The following KCNIP4 variants were observed in gnomAD, a reference collection of about 807,000 sequenced individuals.
KCNIP4 encodes potassium voltage-gated channel interacting protein 4.
KCNIP4 carries 12 observed loss-of-function variants against 34.0 expected under a neutral mutation model. The observed-to-expected ratio is 0.35, with a 90% confidence interval of 0.23 to 0.57. The LOEUF is 0.57. KCNIP4 is among the 20% of genes least tolerant of loss of function. The pLI is 0.83. For synonymous variants in KCNIP4, 124 were observed against 102.2 expected (o/e 1.21, Z -1.29); for missense variants, 238 against 311.7 (o/e 0.76, Z 1.78).
In KCNIP4 at chr4:21,071,850, T is replaced by C. The variant is rs1001482194; in HGVS notation, c.62-189141A>G. Among the ~76,000 whole-genome samples the C allele has an allele frequency of 1.1e-4, 17 of 152,260 alleles. No homozygotes were observed. The South Asian group carries it at 2.3e-3, about 20-fold the overall frequency. On this transcript the variant is annotated intron_variant, in intron 1 of 8. Transcript: ENST00000382152. The stretch of plus-strand genomic sequence containing the variant: ...ATGTTCCCCTTCCTGTGTCCAAGTG[T>C]TCTCATTGTTCAATTCCCATCTATG...
intron 1 of KCNIP4, among the ~76,000 whole-genome samples, chr4:21,687,753 C>G (rs560473076): frequency 1.3e-5 from 2 of 152,068 alleles, no homozygotes; most frequent in East Asian, 1.9e-4. Context: ...AAAGAAATTT[C>G]AAAACAATGA....
intron 1 of KCNIP4, among the ~76,000 whole-genome samples, chr4:21,686,058 A>G (rs1750781493): frequency 6.6e-6 from 1 of 152,218 alleles, no homozygotes; most frequent in Non-Finnish European, 1.5e-5. Flanking sequence ...GAATTACAAG[A>G]TGATTAGGAA....
chr4:20,939,816 C>T (rs73097728), intron 1 of KCNIP4, among the ~76,000 whole-genome samples: 3,867 of 152,260 alleles, frequency 0.025, 159 homozygotes, highest in African/African-American at 0.087. Flanking sequence ...CCAAATACTG[C>T]AAATTTTAGC....
In KCNIP4 at chr4:20,729,808, T is replaced by TAAAACTATATGCCA. The variant is rs1747479890; in HGVS notation, c.*260_*273dup. On this transcript the variant is annotated 3_prime_UTR_variant, in exon 9 of 9. Transcript: ENST00000382152. ...AATAATCCCATGGCTAAGGAACCAATAAAACTATATGCCAGATTCTATTAC... is the reference window on the plus strand; with the variant it reads ...AATAATCCCATGGCTAAGGAACCAATAAAACTATATGCCAAAAACTATATGCCAGATTCTATTAC... The TAAAACTATATGCCA allele has an allele frequency of 9.2e-6, 3 of 325,292 alleles. No homozygotes were observed. In the East Asian group the frequency reaches 1.5e-4, roughly 16 times the overall value. The allele number at this position is 325,292 out of a possible 1,614,324, so 20.2% of individuals were successfully genotyped here.
chr4:21,388,526 A>C (rs1722249396), intron 1 of KCNIP4, among the ~76,000 whole-genome samples: 1 of 152,124 alleles, frequency 6.6e-6, no homozygotes. Context: ...CATATCATAT[A>C]ATTTAACCTG....
intron 1 of KCNIP4, among the ~76,000 whole-genome samples, chr4:21,293,847 T>C (rs563404567): frequency 7.9e-5 from 12 of 152,170 alleles, no homozygotes; most frequent in Non-Finnish European, 1.3e-4. Flanking sequence ...CATTTGAAAG[T>C]CTCTGTAGCT....
chr4:20,869,636 C>A (rs1486927194), intron 2 of KCNIP4, among the ~76,000 whole-genome samples: 1 of 151,932 alleles, frequency 6.6e-6, no homozygotes, highest in Non-Finnish European at 1.5e-5. Flanking sequence ...TGTTTCCAAG[C>A]CTTAATTTTA....
chr4:20,816,441 C>T (rs1578687668), intron 3 of KCNIP4, among the ~76,000 whole-genome samples: 5 of 152,134 alleles, frequency 3.3e-5, no homozygotes, highest in African/African-American at 9.6e-5. Flanking sequence ...AAGCAAGCTA[C>T]GTAGGGCGCA....
chr4:21,539,610 A>G (rs1364714897), intron 1 of KCNIP4, among the ~76,000 whole-genome samples: 1 of 152,190 alleles, frequency 6.6e-6, no homozygotes, highest in Non-Finnish European at 1.5e-5. Flanking sequence ...AGTCATGTCC[A>G]GATTGAGCTG....
At chr4:20,989,843 C>A (rs1038496572) in intron 1 of KCNIP4, among the ~76,000 whole-genome samples, 1 of 152,100 alleles carries the variant, frequency 6.6e-6, no homozygotes, top group Non-Finnish European at 1.5e-5. Flanking sequence ...GTGACATGGG[C>A]CTGTAGTCTC....
chr4:21,883,612 T>C (rs1726589660), intron 1 of KCNIP4, among the ~76,000 whole-genome samples: 1 of 152,224 alleles, frequency 6.6e-6, no homozygotes, highest in Non-Finnish European at 1.5e-5. Context: ...TTGTGACTAC[T>C]ACTTTGGCAG....
chr4:21,291,097 C>T (rs1763432007), intron 1 of KCNIP4, among the ~76,000 whole-genome samples: 1 of 152,130 alleles, frequency 6.6e-6, no homozygotes, highest in East Asian at 1.9e-4. Context: ...CCATTTCAAC[C>T]CACAGACAAG....
intron 1 of KCNIP4, among the ~76,000 whole-genome samples, chr4:21,473,721 T>TC (rs1730663354): frequency 6.6e-6 from 1 of 151,740 alleles, no homozygotes. Flanking sequence ...AATTCTTTTT[T>TC]TTTTTTTTTT....
At chr4:20,793,474 T>A (rs1219324211) in intron 3 of KCNIP4, among the ~76,000 whole-genome samples, 1 of 152,110 alleles carries the variant, frequency 6.6e-6, no homozygotes, top group Non-Finnish European at 1.5e-5. Context: ...TTATTTTGAT[T>A]GTATTGATGA....
intron 3 of KCNIP4, among the ~76,000 whole-genome samples, chr4:20,835,654 C>T (rs182647672): frequency 6.6e-6 from 1 of 152,010 alleles, no homozygotes; most frequent in Non-Finnish European, 1.5e-5. Context: ...ATTTTCAGCC[C>T]CAAACACCCC....
chr4:21,015,039 T>A (rs958396857), intron 1 of KCNIP4, among the ~76,000 whole-genome samples: 1 of 152,142 alleles, frequency 6.6e-6, no homozygotes, highest in Non-Finnish European at 1.5e-5. Context: ...GTTATTAGTT[T>A]TTCTCAGATT....
intron 1 of KCNIP4, among the ~76,000 whole-genome samples, chr4:20,964,104 A>G (rs569326745): frequency 1.4e-4 from 21 of 152,330 alleles, no homozygotes; most frequent in Middle Eastern, 3.4e-3. Flanking sequence ...TCTAGAACCT[A>G]TAAGTATTTT....
chr4:21,837,790 G>T (rs1180568202), intron 1 of KCNIP4, among the ~76,000 whole-genome samples: 1 of 152,010 alleles, frequency 6.6e-6, no homozygotes, highest in Non-Finnish European at 1.5e-5. Context: ...TTTATAAATT[G>T]GAGTTTGGGA....
chr4:21,400,523 CT>C (rs1723434440), intron 1 of KCNIP4, among the ~76,000 whole-genome samples: 6 of 48,392 alleles, frequency 1.2e-4, no homozygotes, highest in Non-Finnish European at 1.9e-4. Flanking sequence ...CTCTTCTCTT[CT>C]CTTCTCTTCT....
Sources: allele counts gnomAD v4.1 joint callset (sites outside exome capture counted in the v4.1 genomes callset), GRCh38; gene constraint gnomAD v4.1.1; transcripts MANE v1.5; gene names NCBI Gene and HGNC (gene_info 2026-07-23, HGNC 2026-07-21).